Variants in COPG1 observed in about 807,000 individuals in gnomAD.
COPG1 encodes the protein coatomer subunit gamma-1.
Under a neutral mutation model 102.8 loss-of-function variants are expected in COPG1, and 29 were observed. That is an observed-to-expected ratio of 0.28 (90% CI 0.21 to 0.38). The LOEUF is 0.38. Among genes scored for constraint, COPG1 ranks in the 10% least tolerant of loss-of-function variants. The pLI is 1.00. For synonymous variants in COPG1, 406 were observed against 421.6 expected, an observed-to-expected ratio of 0.96 and a Z score of 0.45; for missense variants, 875 against 1,132.7, an observed-to-expected ratio of 0.77 and a Z score of 3.27.
intron 16 of COPG1, among the ~76,000 whole-genome samples, 168 bp from the exon 17 acceptor site, chr3:129,268,327 C>T (rs1371939940): frequency 6.6e-6 from 1 of 152,206 alleles, no homozygotes; most frequent in Non-Finnish European, 1.5e-5. Flanking sequence ...CACACCTACC[C>T]TGTAAGGGAG....
Position 129,252,900 on chromosome 3 carries a change from T to G in COPG1, c.268T>G (p.Leu90Val), listed in dbSNP as rs758382254. The G allele has an allele frequency of 6.2e-7, 1 of 1,614,094 alleles. No individual in the cohort carries two copies. Among genetic ancestry groups the G allele is most frequent in the African/African-American group, 1.3e-5 (1 of 74,936 alleles). ...NDPTLRRMCY[L>V]TIKEMSCIAE... is the part of the protein sequence containing the mutation. Reference sequence around the variant, plus strand: ...GCCCACACTCCGTCGGATGTGCTACTTGACCATCAAGGAGATGTCTTGCAT... The same window carrying G: ...GCCCACACTCCGTCGGATGTGCTACGTGACCATCAAGGAGATGTCTTGCAT... The change falls in exon 5 of 24, where the codon TTG (leucine) becomes GTG (valine). Residue 90 changes from leucine (L) to valine (V), a missense_variant. By Grantham distance (32) the Leu-to-Val change is conservative (BLOSUM62 1). Coordinates refer to ENST00000314797, the MANE Select transcript of COPG1 (RefSeq NM_016128.4).
At chr3:129,264,123 G>T in intron 13 of COPG1, 124 bp downstream of exon 13, 1 of 777,106 alleles carries the variant, frequency 1.3e-6, no homozygotes, top group South Asian at 1.5e-5. Flanking sequence ...GGTTTTCATG[G>T]TGCCTGCAAC....
rs578187939 is a variant in COPG1 at position 129,268,431 on chromosome 3, A to G, written c.1649-64A>G. 2.6e-5 allele frequency: 41 copies of G among 1,575,016 alleles called. No individual in the cohort carries two copies. In the East Asian group the frequency reaches 8.5e-4, roughly 33 times the overall value. On this transcript the variant is annotated intron_variant, in intron 16 of 23. Coordinates refer to ENST00000314797, the MANE Select transcript of COPG1 (RefSeq NM_016128.4). ...GTAACTTCGGGACCCCAGGGCCTCC[A>G]TGGTGGTCCCTGGTGCACATTTTGC...
Position 129,249,728 on chromosome 3 carries a change from A to G in COPG1, c.19A>G (p.Lys7Glu), listed in dbSNP as rs1200361166. 1.3e-6 allele frequency: 2 copies of G among 1,551,486 alleles called. No individual in the cohort carries two copies. The highest frequency in any genetic ancestry group is 1.7e-6 in the Non-Finnish European group (2 of 1,146,966). The change falls in exon 1 of 24, where the codon AAG becomes GAG. Residue 7 changes from lysine (K) to glutamate (E), a missense_variant. By Grantham distance (56) the Lys-to-Glu change is moderately conservative (BLOSUM62 1). Transcript: ENST00000314797. Reference protein sequence around the residue: MLKKFDKKDEESGGGSN... With the variant: MLKKFDEKDEESGGGSN... ...CTCCACTATGTTGAAGAAATTCGAC[A>G]AGAAGGATGAGGAGTCAGGTGAGGG...
chr3:129,249,776 GGCCGGACCCCCACCC>G (rs1427005101), intron 1 of COPG1, 30 bp downstream of exon 1: 2 of 1,543,788 alleles, frequency 1.3e-6, no homozygotes, highest in Non-Finnish European at 1.8e-6. Context: ...GTCTGAGGGA[GGCCGGACCCCCACCC>G]GCCGAGCTTT....
At chr3:129,255,139 G>C in intron 7 of COPG1, 62 bp downstream of exon 7, 3 of 1,039,422 alleles carry the variant, frequency 2.9e-6, no homozygotes, top group Non-Finnish European at 4.4e-6. Flanking sequence ...AAATTTAAGA[G>C]TCACATTCCA....
intron 12 of COPG1, among the ~76,000 whole-genome samples, chr3:129,261,792 C>G (rs1939930546): frequency 6.6e-6 from 1 of 152,150 alleles, no homozygotes; most frequent in Non-Finnish European, 1.5e-5. Flanking sequence ...TTCAAAATTG[C>G]CACCACAGTG....
rs4927912 is a variant in COPG1 at position 129,255,135 on chromosome 3, A to G, written c.492+58A>G. On this transcript the variant is annotated intron_variant, in intron 7 of 23. Transcript: ENST00000314797. ...TGGGGTAGAAAATTGAAGAAAATTTAAGAGTCACATTCCAGTAGGAAAAAA... is the reference window on the plus strand; with the variant it reads ...TGGGGTAGAAAATTGAAGAAAATTTGAGAGTCACATTCCAGTAGGAAAAAA... The G allele has an allele frequency of 3.1e-4, 346 of 1,127,110 alleles. No homozygotes were observed. In the East Asian group the frequency reaches 7.6e-3, roughly 25 times the overall value. The allele number at this position is 1,127,110 out of a possible 1,614,324, so 69.8% of individuals were successfully genotyped here.
At chr3:129,253,084 T>C in intron 5 of COPG1, 129 bp downstream of exon 5, 2 of 712,288 alleles carry the variant, frequency 2.8e-6, no homozygotes, top group East Asian at 5.3e-5. Context: ...GCTTCCCTGT[T>C]ACCACTGCCC....
intron 11 of COPG1, 43 bp from the exon 12 acceptor site, chr3:129,260,576 G>C: frequency 6.3e-7 from 1 of 1,599,098 alleles, no homozygotes; most frequent in African/African-American, 1.3e-5. Flanking sequence ...TGTAGTGACA[G>C]CATTGGGTTC....
chr3:129,257,881 C>T, intron 10 of COPG1, 21 bp downstream of exon 10: 2 of 1,610,692 alleles, frequency 1.2e-6, no homozygotes, highest in Non-Finnish European at 1.7e-6. Context: ...ATTCCTTCAC[C>T]CAGCCTCACA....
chr3:129,254,790 C>A, intron 6 of COPG1, 47 bp downstream of exon 6: 2 of 1,528,046 alleles, frequency 1.3e-6, no homozygotes, highest in Non-Finnish European at 1.8e-6. Context: ...TTGATTGAGG[C>A]CTCGGCATCA....
At position 129,249,609 on chromosome 3, in the gene COPG1, C is replaced by T. The variant is rs1939647331; in HGVS notation, c.-101C>T. 5 of 1,373,988 alleles carry T rather than the reference C, an allele frequency of 3.6e-6. No individual in the cohort carries two copies. In the East Asian group the frequency reaches 7.6e-5, roughly 21 times the overall value. 85.1% of individuals were successfully genotyped at this position (1,373,988 alleles called of 1,614,324 possible). A position where few individuals can be genotyped will look rare whatever the true frequency, so the allele number is the denominator to read the frequency against. ...CAGAGCGCTGGGCGACGTGGCCAGT[C>T]GGGGCCCGGAAGTGGTCCCTGTAGA... On this transcript the variant is annotated 5_prime_UTR_variant, in exon 1 of 24. Coordinates refer to ENST00000314797, the MANE Select transcript of COPG1 (RefSeq NM_016128.4).
intron 17 of COPG1, 66 bp downstream of exon 17, chr3:129,268,686 G>A (rs924961892): frequency 1.4e-5 from 21 of 1,554,168 alleles, no homozygotes; most frequent in Non-Finnish European, 1.8e-5. Flanking sequence ...TGCATTGGCT[G>A]CAAAGCCACT....
At position 129,252,627 on chromosome 3, in the gene COPG1, A is replaced by G. The variant is rs1456876552; in HGVS notation, c.176A>G (p.Glu59Gly). ...CTTCTTTCTTGATTAACACAGGGGG[A>G]GCACCTGGGGACCACGGAAGCGACC... ...TKILYLINQG[E>G]HLGTTEATEA... is the part of the protein sequence containing the mutation. The change falls in exon 4 of 24, where the codon GAG becomes GGG. Residue 59 changes from glutamate to glycine, a missense_variant. By Grantham distance (98) the Glu-to-Gly change is moderately conservative. Coordinates refer to ENST00000314797, the MANE Select transcript of COPG1 (RefSeq NM_016128.4). 1 of 1,613,150 alleles carries G rather than the reference A, an allele frequency of 6.2e-7. No homozygotes were observed. The highest frequency in any genetic ancestry group is 1.7e-5 in the Admixed American group (1 of 59,976).
At chr3:129,268,067 C>G in intron 16 of COPG1, 27 bp downstream of exon 16, 1 of 1,559,502 alleles carries the variant, frequency 6.4e-7, no homozygotes, top group African/African-American at 1.4e-5. Context: ...CTATCTTGGA[C>G]TCAGCACCTT....
chr3:129,253,813 A>C (rs955843657), intron 5 of COPG1, among the ~76,000 whole-genome samples: 18 of 152,122 alleles, frequency 1.2e-4, no homozygotes, highest in African/African-American at 4.3e-4. Flanking sequence ...CATCCTGGCC[A>C]ACATGGTGAA....
At chr3:129,273,979 G>C in intron 21 of COPG1, 1 of 455,226 alleles carries the variant, frequency 2.2e-6, no homozygotes, top group Non-Finnish European at 4.4e-6. Flanking sequence ...TGCTCAGCCT[G>C]TGGATGGGGA....
Position 129,260,266 on chromosome 3 carries a change from A to C in COPG1, c.872-67A>C, listed in dbSNP as rs1576963789. On this transcript the variant is annotated intron_variant, in intron 10 of 23. Transcript: ENST00000314797. ...AGCAGAGGGTTTGAGTCAGAACAGT[A>C]GCCCCCGGTTTTCCCAGCTGCCCAG... 7 of 1,423,968 alleles carry C rather than the reference A, an allele frequency of 4.9e-6. No individual in the cohort carries two copies. The Middle Eastern group carries it at 7.1e-4, about 144-fold the overall frequency. The allele number at this position is 1,423,968 out of a possible 1,614,324, so 88.2% of individuals were successfully genotyped here.
Sources: allele counts gnomAD v4.1 joint callset (sites outside exome capture counted in the v4.1 genomes callset), GRCh38; gene constraint gnomAD v4.1.1; transcripts MANE v1.5; gene names NCBI Gene and HGNC (gene_info 2026-07-23, HGNC 2026-07-21).